Variants in STXBP3 observed in about 807,000 individuals in gnomAD.
The protein encoded by STXBP3 is syntaxin binding protein 3, also known as syntaxin-binding protein 3.
In STXBP3, 41 loss-of-function variants were observed where a neutral mutation model predicts 85.7. The observed-to-expected ratio is 0.48, with a 90% CI of 0.37 to 0.62. The LOEUF (loss-of-function observed/expected upper bound fraction) is 0.62, where lower values mean the gene tolerates loss of function less well. STXBP3 is among the 20% of genes least tolerant of loss of function. STXBP3 has a pLI of 0.00. For missense variants in STXBP3, 563 were observed against 703.1 expected (o/e 0.80, Z 2.25); for synonymous variants, 229 against 231.7 (o/e 0.99, Z 0.10).
Position 108,776,491 on chromosome 1 carries a change from C to G in STXBP3, c.684+68C>G, listed in dbSNP as rs149998873. Reference sequence around the variant, plus strand: ...CTTATTTCTTTATAAGCCAAAGAAACTTGCTCATTCATTTTCTAGTATTGA... The same window carrying G: ...CTTATTTCTTTATAAGCCAAAGAAAGTTGCTCATTCATTTTCTAGTATTGA... On this transcript the variant is annotated intron_variant, in intron 8 of 18. Transcript: ENST00000370008. The G allele has an allele frequency of 2.0e-4, 239 of 1,183,980 alleles. 1 individual carries two copies. In the African/African-American group the frequency reaches 3.3e-3, roughly 17 times the overall value. 73.3% of individuals were successfully genotyped at this position (1,183,980 alleles called of 1,614,324 possible). A position where few individuals can be genotyped will look rare whatever the true frequency, so the allele number is the denominator to read the frequency against.
intron 1 of STXBP3, among the ~76,000 whole-genome samples, chr1:108,750,663 TTAGC>T (rs1661880816): frequency 6.6e-6 from 1 of 152,200 alleles, no homozygotes; most frequent in Non-Finnish European, 1.5e-5. Flanking sequence ...TAGGAACTAG[TTAGC>T]TAGGAACACT....
chr1:108,801,348 T>C (rs1663228321), intron 17 of STXBP3, among the ~76,000 whole-genome samples: 1 of 152,344 alleles, frequency 6.6e-6, no homozygotes, highest in African/African-American at 2.4e-5. Context: ...GGTTGAAAAT[T>C]GGACCTTTTA....
At chr1:108,755,225 C>T (rs1661992552) in intron 3 of STXBP3, among the ~76,000 whole-genome samples, 1 of 152,046 alleles carries the variant, frequency 6.6e-6, no homozygotes, top group Admixed American at 6.6e-5. Flanking sequence ...GCAGGAAGAT[C>T]ACTTGAACTC....
intron 11 of STXBP3, among the ~76,000 whole-genome samples, chr1:108,790,135 A>AT (rs561786771): frequency 2.7e-3 from 409 of 151,040 alleles, no homozygotes; most frequent in African/African-American, 8.1e-3. Flanking sequence ...TTCTTTTCTG[A>AT]TTTTTTTTTA....
intron 1 of STXBP3, among the ~76,000 whole-genome samples, chr1:108,747,580 A>T (rs1348340504): frequency 5.3e-5 from 8 of 152,308 alleles, no homozygotes; most frequent in Non-Finnish European, 1.2e-4. Context: ...AACAGGAATA[A>T]CCATCATTGT....
intron 6 of STXBP3, among the ~76,000 whole-genome samples, chr1:108,761,988 T>A (rs6685792): frequency 6.6e-6 from 1 of 151,778 alleles, no homozygotes; most frequent in Non-Finnish European, 1.5e-5. Context: ...AAAAAAGAGG[T>A]TCTACTTAAT....
intron 11 of STXBP3, among the ~76,000 whole-genome samples, chr1:108,789,706 A>G (rs1662936068): frequency 6.6e-6 from 1 of 152,192 alleles, no homozygotes; most frequent in Non-Finnish European, 1.5e-5. Context: ...ACTGAGTTGT[A>G]ATTTAATTAT....
chr1:108,801,488 A>G (rs994553545), intron 17 of STXBP3, among the ~76,000 whole-genome samples: 1 of 152,008 alleles, frequency 6.6e-6, no homozygotes, highest in Admixed American at 6.6e-5. Flanking sequence ...TTAATTTTTT[A>G]TCTTAGCTTC....
intron 16 of STXBP3, among the ~76,000 whole-genome samples, chr1:108,799,853 CT>C (rs1339567198): frequency 6.6e-6 from 1 of 151,950 alleles, no homozygotes. Flanking sequence ...TTGAGTACCC[CT>C]AGGCCATAGC....
intron 6 of STXBP3, among the ~76,000 whole-genome samples, chr1:108,764,068 T>C (rs1662205956): frequency 6.6e-6 from 1 of 152,166 alleles, no homozygotes; most frequent in African/African-American, 2.4e-5. Flanking sequence ...CTAGTGCCTA[T>C]TGTTCCTCTC....
At chr1:108,771,406 CTA>C (rs370854392) in intron 6 of STXBP3, among the ~76,000 whole-genome samples, 2 of 15,602 alleles carry the variant, frequency 1.3e-4, no homozygotes, top group African/African-American at 5.2e-4. Context: ...TGATATATAT[CTA>C]TATATATAAT....
rs763785205 is a variant in STXBP3 at position 108,782,404 on chromosome 1, GCTTCTGTCTA to G, written c.810-14_810-5del. On this transcript the variant is annotated splice_region_variant and splice_polypyrimidine_tract_variant and intron_variant, in intron 9 of 18. Coordinates refer to ENST00000370008, the MANE Select transcript of STXBP3 (RefSeq NM_007269.4). Reference sequence around the variant, plus strand: ...GGGAAAAAAATCAAAAAGTTTTAGTGCTTCTGTCTACTTGTAGATATAAAACAGATGGAAA... The same window carrying G: ...GGGAAAAAAATCAAAAAGTTTTAGTGCTTGTAGATATAAAACAGATGGAAA... 1 of 1,559,256 alleles carries G rather than the reference GCTTCTGTCTA, an allele frequency of 6.4e-7. No individual in the cohort carries two copies. Among genetic ancestry groups the G allele is most frequent in the Non-Finnish European group, 8.7e-7 (1 of 1,146,446 alleles).
At chr1:108,805,570 A>G (rs1663311855) in intron 17 of STXBP3, among the ~76,000 whole-genome samples, 1 of 152,048 alleles carries the variant, frequency 6.6e-6, no homozygotes, top group African/African-American at 2.4e-5. Flanking sequence ...GACTACAGGC[A>G]TGCGCCACCA....
chr1:108,776,554 G>A, intron 8 of STXBP3, 131 bp downstream of exon 8: 1 of 565,826 alleles, frequency 1.8e-6, no homozygotes, highest in Non-Finnish European at 3.0e-6. Flanking sequence ...ATACTGATTT[G>A]AGAATCATTA....
intron 4 of STXBP3, chr1:108,756,971 T>C: frequency 2.8e-6 from 1 of 356,502 alleles, no homozygotes; most frequent in Non-Finnish European, 5.1e-6. Context: ...ATTCCTTTTT[T>C]CCCCATATAT....
At chr1:108,779,514 C>A in intron 9 of STXBP3, 104 bp downstream of exon 9, 1 of 1,207,226 alleles carries the variant, frequency 8.3e-7, no homozygotes, top group Non-Finnish European at 1.1e-6. Flanking sequence ...CCCCTATAAC[C>A]TTTTCTATTC....
intron 6 of STXBP3, among the ~76,000 whole-genome samples, chr1:108,768,701 A>G (rs1010768012): frequency 6.6e-6 from 1 of 152,190 alleles, no homozygotes; most frequent in Non-Finnish European, 1.5e-5. Flanking sequence ...TAAAGTCCTT[A>G]ATGAAAAGTA....
chr1:108,760,531 A>C (rs968899679), intron 6 of STXBP3, among the ~76,000 whole-genome samples: 4 of 152,176 alleles, frequency 2.6e-5, no homozygotes, highest in African/African-American at 9.6e-5. Context: ...TTGAGCCTTC[A>C]ATTAATAATA....
intron 17 of STXBP3, among the ~76,000 whole-genome samples, chr1:108,806,397 T>C (rs1149155): frequency 0.29 from 43,840 of 151,976 alleles, 7,377 homozygotes; most frequent in East Asian, 0.77. Flanking sequence ...CTATATGGGA[T>C]TCTGGGGATC....
Sources: gnomAD v4.1 joint callset for allele counts (sites outside exome capture counted in the v4.1 genomes callset) on GRCh38, gnomAD v4.1.1 for gene constraint, MANE v1.5 for transcripts, NCBI Gene and HGNC (gene_info 2026-07-23, HGNC 2026-07-21) for gene names.